The following RC3H1 variants were observed in gnomAD, a reference collection of about 807,000 sequenced individuals.
RC3H1 encodes the protein ring finger and CCCH-type domains 1.
In RC3H1, 50 loss-of-function variants were observed where a neutral mutation model predicts 138.2. The ratio of observed to expected loss-of-function variants is 0.36; its 90% CI spans 0.29 to 0.46. RC3H1 has a LOEUF of 0.46. Ranked by LOEUF, RC3H1 falls within the 20% of genes least tolerant of loss-of-function variation. RC3H1 has a pLI of 1.00. For synonymous variants in RC3H1, 462 were observed against 489.1 expected (o/e 0.94, Z 0.73); for missense variants, 1,031 against 1,388.1 (o/e 0.74, Z 4.09).
intron 1 of RC3H1, among the ~76,000 whole-genome samples, chr1:173,996,510 T>C (rs1661463291): frequency 6.6e-6 from 1 of 152,124 alleles, no homozygotes. Flanking sequence ...TGCAGCCTAT[T>C]TTTGCCTAAA....
intron 1 of RC3H1, among the ~76,000 whole-genome samples, chr1:174,004,712 G>T (rs1661623380): frequency 6.6e-6 from 1 of 152,078 alleles, no homozygotes; most frequent in Non-Finnish European, 1.5e-5. Context: ...CAGCTACTAG[G>T]GAGGCTGAGG....
chr1:173,980,998 AC>A lies in RC3H1; in HGVS notation c.779del (p.Arg260LeufsTer7). Reference protein sequence around the residue: ...YRASCFKVTKRDEDSSLMQLK... With the variant: ...YRASCFKVTKXDEDSSLMQLK... ...GCTGCATCAAAGAAGAGTCTTCATC[AC>A]GTTTGGTGACCTAATAAGACACAAA... On this transcript the variant is annotated frameshift_variant, in exon 6 of 20. Coordinates refer to ENST00000367696, the MANE Select transcript of RC3H1 (RefSeq NM_172071.4). LOFTEE classifies it high-confidence loss of function. 6.2e-7 allele frequency: 1 copy of A among 1,613,770 alleles called. No homozygotes were observed. Among genetic ancestry groups the A allele is most frequent in the Non-Finnish European group, 8.5e-7 (1 of 1,179,744 alleles).
At chr1:173,963,847 T>C (rs1257974889) in intron 11 of RC3H1, 126 bp downstream of exon 11, 2 of 712,976 alleles carry the variant, frequency 2.8e-6, no homozygotes, top group Non-Finnish European at 4.6e-6. Flanking sequence ...TTTTCCAAAG[T>C]ATTAAAAAAT....
At chr1:173,974,277 CAAAAAAAAAA>C (rs571801899) in intron 7 of RC3H1, among the ~76,000 whole-genome samples, 1,254 of 47,252 alleles carry the variant, frequency 0.027, 11 homozygotes, top group Non-Finnish European at 0.036. Flanking sequence ...GAGACTGTCT[CAAAAAAAAAA>C]AAAAAAAAAA....
chr1:173,942,407 T>C (rs1330651980), intron 18 of RC3H1, among the ~76,000 whole-genome samples: 15 of 103,006 alleles, frequency 1.5e-4, no homozygotes, highest in Non-Finnish European at 1.0e-4. Flanking sequence ...CCCTCCACCC[T>C]GGGTGACAGA....
At chr1:174,003,286 C>G (rs1661592598) in intron 1 of RC3H1, among the ~76,000 whole-genome samples, 1 of 151,866 alleles carries the variant, frequency 6.6e-6, no homozygotes, top group Non-Finnish European at 1.5e-5. Context: ...ACTCAGGAAG[C>G]TGAGGCAGGA....
intron 7 of RC3H1, among the ~76,000 whole-genome samples, chr1:173,973,409 G>A (rs1394796528): frequency 1.3e-5 from 2 of 151,834 alleles, no homozygotes; most frequent in African/African-American, 2.4e-5. Flanking sequence ...GGTGGCACGC[G>A]CCTATAGTCC....
At chr1:174,017,783 CAAAAAAAA>C (rs61239660) in intron 1 of RC3H1, among the ~76,000 whole-genome samples, 36 of 72,032 alleles carry the variant, frequency 5.0e-4, no homozygotes, top group East Asian at 2.2e-3. Context: ...TTTTCTTGCT[CAAAAAAAA>C]AAAAAAAAAA....
intron 1 of RC3H1, among the ~76,000 whole-genome samples, chr1:173,993,480 G>A (rs761641481): frequency 1.9e-4 from 28 of 150,384 alleles, no homozygotes; most frequent in African/African-American, 6.6e-4. Flanking sequence ...TGCAACCTCC[G>A]TCTCCTGGGT....
chr1:173,974,232 A>G (rs1442796443), intron 7 of RC3H1, among the ~76,000 whole-genome samples: 2 of 135,634 alleles, frequency 1.5e-5, no homozygotes, highest in Non-Finnish European at 3.1e-5. Flanking sequence ...GTGAGCTGAG[A>G]TTGCACCACT....
chr1:173,985,997 T>A (rs1661010621), intron 2 of RC3H1, among the ~76,000 whole-genome samples: 1 of 152,216 alleles, frequency 6.6e-6, no homozygotes, highest in East Asian at 1.9e-4. Context: ...GAATTCTCAT[T>A]ATCCTGTATT....
chr1:173,970,330 C>T (rs1660301441), intron 9 of RC3H1, among the ~76,000 whole-genome samples, 175 bp downstream of exon 9: 1 of 152,150 alleles, frequency 6.6e-6, no homozygotes, highest in African/African-American at 2.4e-5. Flanking sequence ...GGCTTTCAAG[C>T]ATTTTTGGAT....
chr1:173,969,873 C>A (rs929603460), intron 9 of RC3H1, among the ~76,000 whole-genome samples: 1 of 151,796 alleles, frequency 6.6e-6, no homozygotes, highest in Non-Finnish European at 1.5e-5. Flanking sequence ...GGAAATACAT[C>A]ATGCAATTAG....
intron 2 of RC3H1, among the ~76,000 whole-genome samples, chr1:173,989,401 C>T (rs141635293): frequency 6.6e-6 from 1 of 152,270 alleles, no homozygotes; most frequent in African/African-American, 2.4e-5. Flanking sequence ...TGGGGTTTTG[C>T]CATGTTGCCT....
At chr1:173,949,375 T>C (rs1320949456) in intron 14 of RC3H1, among the ~76,000 whole-genome samples, 1 of 151,994 alleles carries the variant, frequency 6.6e-6, no homozygotes, top group Admixed American at 6.6e-5. Context: ...CCATTTCTTT[T>C]TTTTTTTTTC....
chr1:173,976,104 G>A (rs903166779), intron 7 of RC3H1, among the ~76,000 whole-genome samples: 29 of 151,692 alleles, frequency 1.9e-4, no homozygotes, highest in African/African-American at 6.8e-4. Context: ...AGAATTAGTA[G>A]CCTAGAAGCC....
rs1205334140 is a variant in RC3H1 at position 173,934,313 on chromosome 1, C to G, written c.*4408G>C. On this transcript the variant is annotated 3_prime_UTR_variant, in exon 20 of 20. Transcript: ENST00000367696. ...TACTCAAGAATTCTTTTACTCAGAC[C>G]CATGACTTGACCACAGTGATAGCAG... The G allele has an allele frequency of 2.0e-5, 3 of 152,066 alleles. No individual in the cohort carries two copies. The highest frequency in any genetic ancestry group is 7.2e-5 in the African/African-American group (3 of 41,396). The allele number at this position is 152,066 out of a possible 1,614,324, so 9.4% of individuals were successfully genotyped here. A position where few individuals can be genotyped will look rare whatever the true frequency, so the allele number is the denominator to read the frequency against.
chr1:174,021,600 C>A (rs1232839547), intron 1 of RC3H1, among the ~76,000 whole-genome samples: 2 of 152,142 alleles, frequency 1.3e-5, no homozygotes, highest in East Asian at 3.9e-4. Context: ...ACCGTGAAAT[C>A]CACTTGGCCA....
Position 174,008,945 on chromosome 1 carries a change from CCAG to C in RC3H1, c.-151+13148_-151+13150del, listed in dbSNP as rs527853776. Among the ~76,000 whole-genome samples the C allele has an allele frequency of 2.6e-4, 38 of 149,016 alleles. 1 individual carries two copies. In the South Asian group the frequency reaches 7.2e-3, roughly 28 times the overall value. On this transcript the variant is annotated intron_variant, in intron 1 of 19. Coordinates refer to ENST00000367696, the MANE Select transcript of RC3H1 (RefSeq NM_172071.4). ...TGAGCCAAGATCGTACCACTGCACT[CCAG>C]CCTAGGCAACAGAGTGAGACTTTGT...
Sources: allele counts gnomAD v4.1 joint callset (sites outside exome capture counted in the v4.1 genomes callset), GRCh38; gene constraint gnomAD v4.1.1; transcripts MANE v1.5; gene names NCBI Gene and HGNC (gene_info 2026-07-23, HGNC 2026-07-21).